The following ETNK1 variants were observed in gnomAD, a reference collection of about 807,000 sequenced individuals.
ETNK1 encodes the protein ethanolamine kinase 1, also known as putative protein product of Nbla10396.
ETNK1 carries 8 observed loss-of-function variants against 45.1 expected under a neutral mutation model. The observed-to-expected ratio is 0.18, with a 90% CI of 0.10 to 0.32. The LOEUF (loss-of-function observed/expected upper bound fraction) is 0.32, where lower values mean the gene tolerates loss of function less well. Ranked by LOEUF, ETNK1 falls within the 10% of genes least tolerant of loss-of-function variation. The pLI is 1.00. For synonymous variants in ETNK1, 152 were observed against 151.9 expected (o/e 1.00, Z -0.01); for missense variants, 302 against 430.6 (o/e 0.70, Z 2.64).
intron 1 of ETNK1, among the ~76,000 whole-genome samples, chr12:22,631,120 A>G (rs1172686256): frequency 6.6e-6 from 1 of 152,180 alleles, no homozygotes; most frequent in African/African-American, 2.4e-5. Context: ...ATGAGTTAGA[A>G]TAAGTTATGG....
rs868401766 is a variant in ETNK1 at position 22,680,903 on chromosome 12, C to A, written c.946-3580C>A. ...TGGAGCTTTTCTTCCCCCGCCCCCC[C>A]CTCCATTATATGCACACTGGGGATT... is the stretch of plus-strand genomic sequence containing the variant. On this transcript the variant is annotated intron_variant, in intron 6 of 7. Coordinates refer to ENST00000266517, the MANE Select transcript of ETNK1 (RefSeq NM_018638.5). Among the ~76,000 whole-genome samples, 39 of 130,598 alleles carry A rather than the reference C, an allele frequency of 3.0e-4. 1 individual carries two copies. The highest frequency in any genetic ancestry group is 9.3e-4 in the African/African-American group (34 of 36,562). The allele number at this position is 130,598 out of a possible 152,430, so 85.7% of individuals were successfully genotyped here.
intron 2 of ETNK1, among the ~76,000 whole-genome samples, chr12:22,646,906 A>G (rs1177855591): frequency 6.6e-6 from 1 of 151,812 alleles, no homozygotes; most frequent in Non-Finnish European, 1.5e-5. Flanking sequence ...ACAAAGAAGA[A>G]CAGAAAAGGC....
In ETNK1 at chr12:22,670,508, C is replaced by T. The variant is rs139044628; in HGVS notation, c.701-764C>T. ...GTTCCTGAGTAGTAGTATGAAAGAA[C>T]TAGATTATCTTTGGAGAGTTATAAT... On this transcript the variant is annotated intron_variant, in intron 4 of 7. Coordinates refer to ENST00000266517, the MANE Select transcript of ETNK1 (RefSeq NM_018638.5). Among the ~76,000 whole-genome samples, 832 of 152,054 alleles carry T rather than the reference C, an allele frequency of 5.5e-3. 6 individuals are homozygous for T. Among genetic ancestry groups the T allele is most frequent in the African/African-American group, 0.019 (790 of 41,460 alleles).
intron 6 of ETNK1, among the ~76,000 whole-genome samples, chr12:22,675,071 C>T (rs2137571547): frequency 6.6e-6 from 1 of 152,124 alleles, no homozygotes; most frequent in East Asian, 1.9e-4. Flanking sequence ...TTAATATTTA[C>T]TTTTATTTTT....
rs548640139 is a variant in ETNK1, at chr12:22,656,422, A to G, written c.417-2592A>G. 8.0e-4 allele frequency: 789 copies of G among 985,386 alleles called. 2 individuals carry two copies. In the South Asian group the frequency reaches 0.012, roughly 16 times the overall value. 61.0% of individuals were successfully genotyped at this position (985,386 alleles called of 1,614,324 possible). On this transcript the variant is annotated intron_variant, in intron 2 of 7. Transcript: ENST00000266517. ...TTCTGATCTCAGTAAACTTACACTG[A>G]TTGTTTCAGATCAGAAGAGCAGAAA...
chr12:22,684,889 A>G lies in ETNK1; in HGVS notation c.1027A>G (p.Ile343Val), dbSNP rs776125833. 4.4e-6 allele frequency: 7 copies of G among 1,604,414 alleles called. No individual in the cohort carries two copies. Among genetic ancestry groups the G allele is most frequent in the South Asian group, 1.1e-5 (1 of 89,050 alleles). ...TIEFDFLGYA[I>V]VRFNQYFKMK... ...GTTCTCTTTTCTCACTAGGTATGCA[A>G]TTGTTCGTTTTAACCAGTACTTTAA... The change falls in exon 8 of 8, where the codon ATT becomes GTT. Residue 343 changes from isoleucine (I) to valine (V), a missense_variant. By Grantham distance (29) the Ile-to-Val change is conservative. Around this residue, in one of 3 missense-constraint regions of ETNK1, gnomAD observed 94 missense variants for 152.9 expected, o/e 0.61. Transcript: ENST00000266517.
chr12:22,659,025 G>T lies in ETNK1; in HGVS notation c.428G>T (p.Arg143Leu). 1 of 1,612,976 alleles carries T rather than the reference G, an allele frequency of 6.2e-7. No homozygotes were observed. Among genetic ancestry groups the T allele is most frequent in the Non-Finnish European group, 8.5e-7 (1 of 1,179,656 alleles). Residue 143 changes from arginine to leucine, a missense_variant, in exon 3 of 8, where the codon CGT becomes CTT. By Grantham distance (102) the Arg-to-Leu change is moderately radical. Around this residue, in one of 3 missense-constraint regions of ETNK1, gnomAD observed 205 missense variants for 259.9 expected, o/e 0.79. Coordinates refer to ENST00000266517, the MANE Select transcript of ETNK1 (RefSeq NM_018638.5). ...TTTGTTTTAAACAGGCTAATAGCTC[G>T]TCAGCTTGCTAAAATCCATGCTATT... ...CNPAIFRLIA[R>L]QLAKIHAIHA...
At chr12:22,626,002 C>T (rs183674826) in intron 1 of ETNK1, 2 of 399,732 alleles carry the variant, frequency 5.0e-6, no homozygotes, top group East Asian at 1.3e-4. Flanking sequence ...TTTCCTTCCT[C>T]TCCCCTCCCC....
chr12:22,663,882 TA>T (rs1436580919), intron 4 of ETNK1, among the ~76,000 whole-genome samples: 1 of 152,000 alleles, frequency 6.6e-6, no homozygotes, highest in East Asian at 1.9e-4. Flanking sequence ...CGTGGTTTTA[TA>T]ATGTTCATTA....
chr12:22,636,605 T>G (rs553488896), intron 1 of ETNK1, among the ~76,000 whole-genome samples: 1 of 152,318 alleles, frequency 6.6e-6, no homozygotes, highest in Non-Finnish European at 1.5e-5. Context: ...AAGCAGCATA[T>G]AGAGTTGTCC....
Position 22,629,757 on chromosome 12 carries a change from C to T in ETNK1, c.156+4171C>T, listed in dbSNP as rs535173357. ...TTTTTTAATATATTAAAAAAGTAAA[C>T]AATATATTAGTTTACTTTCCCTAAG... On this transcript the variant is annotated intron_variant, in intron 1 of 7. Coordinates refer to ENST00000266517, the MANE Select transcript of ETNK1 (RefSeq NM_018638.5). Among the ~76,000 whole-genome samples the T allele has an allele frequency of 2.6e-5, 4 of 151,980 alleles. No individual in the cohort carries two copies. The East Asian group carries it at 7.7e-4, about 29-fold the overall frequency.
intron 1 of ETNK1, among the ~76,000 whole-genome samples, chr12:22,642,178 A>G (rs1953748522): frequency 6.6e-6 from 1 of 152,102 alleles, no homozygotes; most frequent in Non-Finnish European, 1.5e-5. Context: ...TTCTTTCATT[A>G]TAAGCATTTC....
In ETNK1 at chr12:22,678,776, C is replaced by T. The variant is rs750651842; in HGVS notation, c.945+5116C>T. ...AAGTTCCTGGACACAAGAAGTTGGA[C>T]GTTAATGTTGTCATGACAAGACTTC... On this transcript the variant is annotated intron_variant, in intron 6 of 7. Transcript: ENST00000266517. Among the ~76,000 whole-genome samples, 9 of 152,192 alleles carry T rather than the reference C, an allele frequency of 5.9e-5. No individual in the cohort carries two copies. The South Asian group carries it at 8.3e-4, about 14-fold the overall frequency.
chr12:22,630,393 CAAGGTAGGCATAG>C (rs1014644075), intron 1 of ETNK1, among the ~76,000 whole-genome samples: 4 of 152,022 alleles, frequency 2.6e-5, no homozygotes, highest in African/African-American at 9.7e-5. Flanking sequence ...AACTGTAGCA[CAAGGTAGGCATAG>C]AAGAACGTAG....
At chr12:22,679,713 T>G (rs1954195791) in intron 6 of ETNK1, among the ~76,000 whole-genome samples, 1 of 151,112 alleles carries the variant, frequency 6.6e-6, no homozygotes, top group South Asian at 2.1e-4. Flanking sequence ...TTTTTTTTTT[T>G]TTTTTGATAT....
rs1052471567 is a variant in ETNK1 at position 22,659,145 on chromosome 12, T to C, written c.548T>C (p.Ile183Thr). ...CCCACAGGATTTGCAGATGAAGACATTAATAAAAGGTAAAATTATTTTTAC... is the reference window on the plus strand; with the variant it reads ...CCCACAGGATTTGCAGATGAAGACACTAATAAAAGGTAAAATTATTTTTAC... Reference protein sequence around the residue: ...LIPTGFADEDINKRFLSDIPS... With the variant: ...LIPTGFADEDTNKRFLSDIPS... The change falls in exon 3 of 8, where the codon ATT (isoleucine) becomes ACT (threonine). Residue 183 changes from isoleucine to threonine, a missense_variant. This residue lies in a region of ETNK1 where 205 missense variants were observed against 259.9 expected (regional missense o/e 0.79). Transcript: ENST00000266517. 2 of 1,612,312 alleles carry C rather than the reference T, an allele frequency of 1.2e-6. No individual in the cohort carries two copies. The highest frequency in any genetic ancestry group is 1.3e-5 in the African/African-American group (1 of 74,840).
At chr12:22,656,484 C>T in intron 2 of ETNK1, 1 of 985,322 alleles carries the variant, frequency 1.0e-6, no homozygotes. Flanking sequence ...GAAAACATTT[C>T]CAAATAACTG....
At chr12:22,678,667 C>T (rs1053526945) in intron 6 of ETNK1, among the ~76,000 whole-genome samples, 10 of 152,160 alleles carry the variant, frequency 6.6e-5, no homozygotes, top group Admixed American at 5.9e-4. Context: ...TAGTCCAATT[C>T]GGATGAAAGC....
At chr12:22,656,576 G>A (rs751038346) in intron 2 of ETNK1, 2 of 985,292 alleles carry the variant, frequency 2.0e-6, no homozygotes, top group Non-Finnish European at 2.4e-6. Flanking sequence ...AGTGACATGG[G>A]CCTTCTGCTC....
Sources: gnomAD v4.1 joint callset for allele counts (sites outside exome capture counted in the v4.1 genomes callset) on GRCh38, gnomAD v4.1.1 for gene constraint, gnomAD v4.1.1 regional missense constraint, MANE v1.5 for transcripts, NCBI Gene and HGNC (gene_info 2026-07-23, HGNC 2026-07-21) for gene names.